The following TEP1 variants were observed in gnomAD, a reference collection of about 807,000 sequenced individuals.
The protein encoded by TEP1 is telomerase protein component 1.
TEP1 carries 241 observed loss-of-function variants against 306.3 expected under a neutral mutation model. The ratio of observed to expected loss-of-function variants is 0.79; its 90% CI spans 0.71 to 0.88. The LOEUF (loss-of-function observed/expected upper bound fraction) is 0.88. TEP1 is among the 40% of genes least tolerant of loss of function. The pLI, the probability that TEP1 is intolerant of heterozygous loss-of-function variation, is 0.00. For missense variants in TEP1, 3,051 were observed against 3,276.1 expected, an observed-to-expected ratio of 0.93 and a Z score of 1.68; for synonymous variants, 1,289 against 1,305.5, an observed-to-expected ratio of 0.99 and a Z score of 0.27.
intron 26 of TEP1, 46 bp downstream of exon 26, chr14:20,383,442 T>A (rs768121704): frequency 1.9e-6 from 3 of 1,569,888 alleles, no homozygotes; most frequent in Non-Finnish European, 2.6e-6. Flanking sequence ...GTATCCCTCC[T>A]TCTCCCCAGC....
In TEP1 at chr14:20,380,466, A is replaced by G; in HGVS notation, c.4772T>C (p.Val1591Ala). 1 of 1,612,390 alleles carries G rather than the reference A, an allele frequency of 6.2e-7. No individual in the cohort carries two copies. The highest frequency in any genetic ancestry group is 8.5e-7 in the Non-Finnish European group (1 of 1,179,696). The change falls in exon 34 of 55, where the codon GTC (valine) becomes GCC (alanine). Residue 1591 changes from valine to alanine, a missense_variant. By Grantham distance (64) the Val-to-Ala change is moderately conservative. Around this residue, in one of 3 missense-constraint regions of TEP1, gnomAD observed 1,540 missense variants for 1,705.9 expected, o/e 0.90. Coordinates refer to ENST00000262715, the MANE Select transcript of TEP1 (RefSeq NM_007110.5). ...LEAHALYASS[V>A]PKEEQKLPEA... ...GGGGAGCTTTTGTTCCTCTTTGGGG[A>G]CTGAAGAAGCTATAAAAGGGTGGCA...
chr14:20,413,159 TCTC>T (rs1879804840), intron 1 of TEP1, among the ~76,000 whole-genome samples: 1 of 152,218 alleles, frequency 6.6e-6, no homozygotes, highest in South Asian at 2.1e-4. Flanking sequence ...CCTTCAGCCT[TCTC>T]CTCCTCCTTT....
intron 10 of TEP1, 39 bp downstream of exon 10, chr14:20,396,582 A>G: frequency 6.4e-7 from 1 of 1,551,738 alleles, no homozygotes; most frequent in South Asian, 1.1e-5. Context: ...GTGCACATCT[A>G]GTTGCTGGGC....
Position 20,373,726 on chromosome 14 carries a change from G to A in TEP1, c.6556C>T (p.His2186Tyr), listed in dbSNP as rs1245832827. The A allele has an allele frequency of 2.5e-6, 4 of 1,614,214 alleles. No homozygotes were observed. Among genetic ancestry groups the A allele is most frequent in the African/African-American group, 1.3e-5 (1 of 75,066 alleles). Residue 2186 changes from histidine (H) to tyrosine (Y), a missense_variant, in exon 45 of 55, where the codon CAC becomes TAC. Physicochemically the swap from His to Tyr is moderately conservative, Grantham distance 83. Transcript: ENST00000262715. ...GCACAGTGGCTAATGGGTCCTGAGTGAGCAGGGATGCTGGTCAGCTCCACG... is the reference window on the plus strand; with the variant it reads ...GCACAGTGGCTAATGGGTCCTGAGTAAGCAGGGATGCTGGTCAGCTCCACG... ...QGVELTSIPA[H>Y]SGPISHCAAA...
At chr14:20,399,170 G>A (rs1878458908) in intron 9 of TEP1, among the ~76,000 whole-genome samples, 1 of 152,208 alleles carries the variant, frequency 6.6e-6, no homozygotes, top group Non-Finnish European at 1.5e-5. Context: ...TGGGATTACA[G>A]GCGTGAGCCA....
chr14:20,383,415 C>G, intron 26 of TEP1, 62 bp from the exon 27 acceptor site: 1 of 1,606,626 alleles, frequency 6.2e-7, no homozygotes, highest in Non-Finnish European at 8.5e-7. Context: ...ATTGGAGAGG[C>G]CTCTCTCCTC....
intron 13 of TEP1, among the ~76,000 whole-genome samples, chr14:20,391,304 TC>T (rs1431399528): frequency 6.6e-6 from 1 of 152,086 alleles, no homozygotes; most frequent in East Asian, 1.9e-4. Context: ...CTGCCCAAGT[TC>T]AACACCGGGA....
At chr14:20,382,469 A>C in intron 28 of TEP1, 113 bp from the exon 29 acceptor site, 1 of 1,538,066 alleles carries the variant, frequency 6.5e-7, no homozygotes, top group Non-Finnish European at 8.8e-7. Context: ...AAAAGTAAAG[A>C]ACAACAGTAG....
At chr14:20,396,017 C>T (rs1389179884) in intron 10 of TEP1, 68 bp from the exon 11 acceptor site, 2 of 1,178,416 alleles carry the variant, frequency 1.7e-6, no homozygotes, top group African/African-American at 3.1e-5. Flanking sequence ...CAGGGGTCCA[C>T]TCTATTAGCT....
chr14:20,400,790 T>C (rs776202811), intron 9 of TEP1, 194 bp downstream of exon 9: 19 of 638,930 alleles, frequency 3.0e-5, no homozygotes, highest in Non-Finnish European at 3.7e-5. Context: ...TAATGATCTA[T>C]GATGCCAACA....
intron 8 of TEP1, 84 bp downstream of exon 8, chr14:20,401,373 A>G: frequency 1.9e-6 from 3 of 1,566,644 alleles, no homozygotes; most frequent in Non-Finnish European, 2.6e-6. Flanking sequence ...GCTGGGTTTG[A>G]GAACTACTGG....
chr14:20,376,035 T>TG, intron 42 of TEP1, 69 bp downstream of exon 42: 1 of 1,575,048 alleles, frequency 6.3e-7, no homozygotes, highest in Non-Finnish European at 8.6e-7. Context: ...CAATGGGAAA[T>TG]GGGTTGTTAA....
intron 9 of TEP1, among the ~76,000 whole-genome samples, chr14:20,397,334 AC>A (rs1270259795): frequency 2.0e-5 from 3 of 152,046 alleles, no homozygotes; most frequent in Non-Finnish European, 2.9e-5. Context: ...CATTTATGAA[AC>A]CCCGTCTCTA....
rs899030947 is a variant in TEP1, at chr14:20,367,068, A to G, written c.*1369T>C. 6.6e-6 allele frequency: 1 copy of G among 152,254 alleles called. No homozygotes were observed. Among genetic ancestry groups the G allele is most frequent in the Non-Finnish European group, 1.5e-5 (1 of 68,046 alleles). 9.4% of individuals were successfully genotyped at this position (152,254 alleles called of 1,614,324 possible). A position where few individuals can be genotyped will look rare whatever the true frequency, so the allele number is the denominator to read the frequency against. On this transcript the variant is annotated 3_prime_UTR_variant, in exon 55 of 55. Coordinates refer to ENST00000262715, the MANE Select transcript of TEP1 (RefSeq NM_007110.5). Reference sequence around the variant, plus strand: ...TATGATTGAATTTTAGAAATATAATAAAGTTCTTTTATGGGCCGGGCACAA... The same window carrying G: ...TATGATTGAATTTTAGAAATATAATGAAGTTCTTTTATGGGCCGGGCACAA...
rs1044788188 is a variant in TEP1, at chr14:20,381,245, G to A, written c.4647+68C>T. The A allele has an allele frequency of 6.7e-7, 1 of 1,495,210 alleles. No individual in the cohort carries two copies. Among genetic ancestry groups the A allele is most frequent in the African/African-American group, 1.4e-5 (1 of 72,524 alleles). 92.6% of individuals were successfully genotyped at this position (1,495,210 alleles called of 1,614,324 possible). A position where few individuals can be genotyped will look rare whatever the true frequency, so the allele number is the denominator to read the frequency against. ...GCGGTGATGGTGGAGATGGTAACGG[G>A]GAGAGGGGTCTCAGAGCAACCAAAG... On this transcript the variant is annotated intron_variant, in intron 32 of 54. Transcript: ENST00000262715. The surrounding 1 kb of genome is among the most constrained non-coding windows in gnomAD (Gnocchi z 4.0).
chr14:20,379,991 T>G lies in TEP1; in HGVS notation c.5066A>C (p.Gln1689Pro). Residue 1689 changes from glutamine to proline, a missense_variant, in exon 35 of 55, where the codon CAA becomes CCA. Physicochemically the swap from Gln to Pro is moderately conservative, Grantham distance 76 (BLOSUM62 -1). Transcript: ENST00000262715. ...PTAVAFSTNG[Q>P]RAAVGTANGT... ...ATTGGCAGTGCCCACAGCTGCTCTT[T>G]GCCCATTGGTGGAGAAGGCCACAGC... is the stretch of plus-strand genomic sequence containing the variant. 6.2e-7 allele frequency: 1 copy of G among 1,614,142 alleles called. No individual in the cohort carries two copies. Among genetic ancestry groups the G allele is most frequent in the East Asian group, 2.2e-5 (1 of 44,884 alleles).
In TEP1 at chr14:20,384,993, G is replaced by A; in HGVS notation, c.3099C>T (p.Ser1033=). ...CAGGCAACAGACAGTACCTGAGGAA[G>A]CTGGAATCCCGGAAGTAGATGAGAG... is the stretch of plus-strand genomic sequence containing the variant. ...AQALIYFRDS[S]FLSSVPDAWK... is the part of the protein sequence containing the mutation. Residue 1033 remains serine (S), a synonymous_variant, in exon 21 of 55, where the codon AGC becomes AGT. Coordinates refer to ENST00000262715, the MANE Select transcript of TEP1 (RefSeq NM_007110.5). 6.2e-7 allele frequency: 1 copy of A among 1,614,246 alleles called. No individual in the cohort carries two copies.
At position 20,372,813 on chromosome 14, in the gene TEP1, G is replaced by A; in HGVS notation, c.6996C>T (p.Thr2332=). Residue 2332 remains threonine (T), a synonymous_variant, in exon 49 of 55, where the codon ACC becomes ACT. Transcript: ENST00000262715. ...IGALIWSSAH[T]FFVLSADEKI... is the part of the protein sequence containing the mutation. Reference sequence around the variant, plus strand: ...TCTCATCAGCACTGAGGACAAAAAAGGTGTGTGCCGAGGACCAGATCAGAG... The same window carrying A: ...TCTCATCAGCACTGAGGACAAAAAAAGTGTGTGCCGAGGACCAGATCAGAG... 6.2e-7 allele frequency: 1 copy of A among 1,614,156 alleles called. No individual in the cohort carries two copies. Among genetic ancestry groups the A allele is most frequent in the Non-Finnish European group, 8.5e-7 (1 of 1,180,040 alleles).
intron 53 of TEP1, among the ~76,000 whole-genome samples, 167 bp from the exon 54 acceptor site, chr14:20,369,069 G>A (rs1382688565): frequency 3.3e-5 from 5 of 151,582 alleles, no homozygotes; most frequent in Admixed American, 3.3e-4. Context: ...GTGCAGTGGC[G>A]CAATCTCGGC....
Sources: allele counts gnomAD v4.1 joint callset (sites outside exome capture counted in the v4.1 genomes callset), GRCh38; gene constraint gnomAD v4.1.1; regional missense constraint gnomAD v4.1.1; non-coding constraint Gnocchi (gnomAD v3.1); transcripts MANE v1.5; gene names NCBI Gene and HGNC (gene_info 2026-07-23, HGNC 2026-07-21).